CNTN5: variants seen among roughly 807,000 people sequenced by gnomAD.
CNTN5 encodes contactin 5.
In CNTN5, 77 loss-of-function variants were observed where a neutral mutation model predicts 129.1. The observed-to-expected ratio is 0.60, with a 90% CI of 0.50 to 0.72. The LOEUF (loss-of-function observed/expected upper bound fraction) is 0.72. Among genes scored for constraint, CNTN5 ranks in the 30% least tolerant of loss-of-function variants. The pLI is 0.00. For missense variants in CNTN5, 1,478 were observed against 1,328.8 expected (o/e 1.11, Z -1.75); for synonymous variants, 509 against 465.6 (o/e 1.09, Z -1.20).
intron 3 of CNTN5, among the ~76,000 whole-genome samples, chr11:99,779,208 C>A (rs970138764): frequency 6.6e-6 from 1 of 151,652 alleles, no homozygotes; most frequent in African/African-American, 2.4e-5. Context: ...AGAAATTTTT[C>A]TCTACAAGTT....
chr11:100,037,855 C>T (rs894090413), intron 9 of CNTN5, among the ~76,000 whole-genome samples: 4 of 152,072 alleles, frequency 2.6e-5, no homozygotes, highest in Non-Finnish European at 5.9e-5. Flanking sequence ...TGATTCTTCT[C>T]TCTTTTTTTC....
intron 13 of CNTN5, among the ~76,000 whole-genome samples, chr11:100,158,867 C>G (rs2138348757): frequency 6.6e-6 from 1 of 151,922 alleles, no homozygotes; most frequent in East Asian, 1.9e-4. Context: ...GTGCATACAA[C>G]AATGTTCATA....
chr11:99,262,414 T>C (rs1175261513), intron 1 of CNTN5, among the ~76,000 whole-genome samples: 1 of 152,070 alleles, frequency 6.6e-6, no homozygotes, highest in East Asian at 1.9e-4. Context: ...ATAGCTACTA[T>C]TATTGATTGA....
At chr11:99,171,662 T>G (rs1288592235) in intron 1 of CNTN5, among the ~76,000 whole-genome samples, 1 of 152,188 alleles carries the variant, frequency 6.6e-6, no homozygotes, top group East Asian at 1.9e-4. Context: ...ATCAGAACTT[T>G]TAAAAATGAT....
intron 2 of CNTN5, among the ~76,000 whole-genome samples, chr11:99,521,758 T>G (rs1173986169): frequency 1.3e-5 from 2 of 152,202 alleles, no homozygotes; most frequent in Non-Finnish European, 2.9e-5. Flanking sequence ...CAAGAAAAGC[T>G]AGAGCATCAG....
chr11:99,331,873 A>G (rs1866014473), intron 2 of CNTN5, among the ~76,000 whole-genome samples: 1 of 152,158 alleles, frequency 6.6e-6, no homozygotes, highest in Non-Finnish European at 1.5e-5. Flanking sequence ...CTGTGAGGTC[A>G]GGCCTTAAGA....
chr11:99,795,987 T>TGCTAGA (rs1565542326), intron 3 of CNTN5, among the ~76,000 whole-genome samples: 1 of 151,936 alleles, frequency 6.6e-6, no homozygotes, highest in Non-Finnish European at 1.5e-5. Context: ...GAGGGTGGAG[T>TGCTAGA]GCATGTGCAT....
chr11:100,225,930 G>A (rs1379230582), intron 16 of CNTN5, among the ~76,000 whole-genome samples: 7 of 152,078 alleles, frequency 4.6e-5, no homozygotes, highest in South Asian at 2.1e-4. Context: ...ATCACCGAAT[G>A]TATATGGGTT....
intron 2 of CNTN5, among the ~76,000 whole-genome samples, chr11:99,345,658 C>G (rs1302031334): frequency 6.6e-6 from 1 of 152,174 alleles, no homozygotes; most frequent in Non-Finnish European, 1.5e-5. Context: ...CCTGTGTTTT[C>G]CATCTGAGAA....
intron 16 of CNTN5, among the ~76,000 whole-genome samples, chr11:100,253,269 T>G (rs113767469): frequency 0.01 from 1,566 of 152,274 alleles, 16 homozygotes; most frequent in African/African-American, 0.033. Flanking sequence ...TACAATCACA[T>G]CCAAATTTAA....
At position 99,925,381 on chromosome 11, in the gene CNTN5, G is replaced by A. The variant is rs147352213; in HGVS notation, c.673+9232G>A. 1.6e-4 allele frequency among the ~76,000 whole-genome samples: 25 copies of A among 152,278 alleles called. No homozygotes were observed. The East Asian group carries it at 4.6e-3, about 28-fold the overall frequency. On this transcript the variant is annotated intron_variant, in intron 7 of 24. Coordinates refer to ENST00000524871, the MANE Select transcript of CNTN5 (RefSeq NM_014361.4). The stretch of plus-strand genomic sequence containing the variant: ...AATTTATAAAGTAATGAGCTATATA[G>A]CGAAGCTTAATCCTGAGCACTCAGC...
At chr11:99,153,022 G>T (rs1241060313) in intron 1 of CNTN5, among the ~76,000 whole-genome samples, 1 of 152,122 alleles carries the variant, frequency 6.6e-6, no homozygotes, top group Non-Finnish European at 1.5e-5. Flanking sequence ...CTGTTAGCCT[G>T]GTGGGGTTCC....
chr11:99,126,065 T>C (rs1052669353), intron 1 of CNTN5, among the ~76,000 whole-genome samples: 2 of 152,172 alleles, frequency 1.3e-5, no homozygotes, highest in Non-Finnish European at 2.9e-5. Flanking sequence ...CTGATAATAG[T>C]AATTTAACCA....
At chr11:99,931,682 G>A (rs1373205955) in intron 7 of CNTN5, among the ~76,000 whole-genome samples, 4 of 152,106 alleles carry the variant, frequency 2.6e-5, no homozygotes, top group Admixed American at 6.5e-5. Flanking sequence ...TCCATGTTAC[G>A]TTCATTTGGT....
chr11:99,201,022 C>CTTTTTTT (rs755605041), intron 1 of CNTN5, among the ~76,000 whole-genome samples: 4 of 83,170 alleles, frequency 4.8e-5, no homozygotes, highest in Non-Finnish European at 6.7e-5. Context: ...TCCTTCCTTC[C>CTTTTTTT]TTTTTTTTTT....
At chr11:99,929,616 A>G (rs1296003031) in intron 7 of CNTN5, among the ~76,000 whole-genome samples, 1 of 152,170 alleles carries the variant, frequency 6.6e-6, no homozygotes, top group Non-Finnish European at 1.5e-5. Context: ...GTGCTGGGCA[A>G]AAGGAGGGAA....
intron 13 of CNTN5, among the ~76,000 whole-genome samples, chr11:100,121,322 A>G (rs1946014815): frequency 6.6e-6 from 1 of 152,088 alleles, no homozygotes; most frequent in African/African-American, 2.4e-5. Flanking sequence ...TTTGTGACAA[A>G]AGTCTGCCTA....
At chr11:99,171,416 A>C (rs1282541994) in intron 1 of CNTN5, among the ~76,000 whole-genome samples, 1 of 152,184 alleles carries the variant, frequency 6.6e-6, no homozygotes, top group Non-Finnish European at 1.5e-5. Context: ...GTACTGTCTC[A>C]TCTGATCATT....
chr11:99,661,514 A>G (rs1200474768), intron 3 of CNTN5, among the ~76,000 whole-genome samples: 1 of 151,860 alleles, frequency 6.6e-6, no homozygotes, highest in Non-Finnish European at 1.5e-5. Context: ...TATATATTAG[A>G]TTTTCTTTTA....
Sources: gnomAD v4.1 joint callset for allele counts (sites outside exome capture counted in the v4.1 genomes callset) on GRCh38, gnomAD v4.1.1 for gene constraint, MANE v1.5 for transcripts, NCBI Gene and HGNC (gene_info 2026-07-23, HGNC 2026-07-21) for gene names.